The following LAMA2 variants were observed in gnomAD, a reference collection of about 807,000 sequenced individuals.
LAMA2 encodes laminin subunit alpha-2.
LAMA2 carries 269 observed loss-of-function variants against 364.8 expected under a neutral mutation model. The observed-to-expected ratio is 0.74, with a 90% CI of 0.67 to 0.82. LAMA2 has a LOEUF of 0.82. Among genes scored for constraint, LAMA2 ranks in the 40% least tolerant of loss-of-function variants. The pLI, the probability that LAMA2 is intolerant of heterozygous loss-of-function variation, is 0.00. For synonymous variants in LAMA2, 1,379 were observed against 1,370.6 expected, an observed-to-expected ratio of 1.01 and a Z score of -0.14; for missense variants, 3,807 against 3,873.2, an observed-to-expected ratio of 0.98 and a Z score of 0.45.
intron 64 of LAMA2, 101 bp downstream of exon 64, chr6:129,514,696 T>A (rs1259844290): frequency 1.7e-5 from 16 of 935,412 alleles, no homozygotes; most frequent in Non-Finnish European, 2.7e-5. Context: ...TGCTTATGTG[T>A]ACTTGCTTCC....
intron 4 of LAMA2, among the ~76,000 whole-genome samples, chr6:129,109,884 G>A (rs376009672): frequency 2.2e-4 from 34 of 152,084 alleles, no homozygotes; most frequent in East Asian, 2.1e-3. Flanking sequence ...TGATCCCATT[G>A]TCAGAAAAGA....
intron 30 of LAMA2, among the ~76,000 whole-genome samples, chr6:129,346,669 C>T (rs1481735255): frequency 6.6e-6 from 1 of 152,168 alleles, no homozygotes; most frequent in Non-Finnish European, 1.5e-5. Context: ...CAATGCTAGG[C>T]ATGGCTCTTC....
At position 129,010,875 on chromosome 6, in the gene LAMA2, A is replaced by G. The variant is rs540329774; in HGVS notation, c.113-39043A>G. Among the ~76,000 whole-genome samples the G allele has an allele frequency of 1.0e-3, 158 of 152,272 alleles. 1 individual carries two copies. Among genetic ancestry groups the G allele is most frequent in the Middle Eastern group, 3.4e-3 (1 of 294 alleles). On this transcript the variant is annotated intron_variant, in intron 1 of 64. Coordinates refer to ENST00000421865, the MANE Select transcript of LAMA2 (RefSeq NM_000426.4). Reference sequence around the variant, plus strand: ...TATGATTTTTTTATTTAATATGTTTACTTCCTATACCTATGTCTTTACTGT... The same window carrying G: ...TATGATTTTTTTATTTAATATGTTTGCTTCCTATACCTATGTCTTTACTGT...
intron 12 of LAMA2, among the ~76,000 whole-genome samples, chr6:129,198,818 G>GA (rs971890893): frequency 6.6e-6 from 1 of 151,176 alleles, no homozygotes; most frequent in Admixed American, 6.6e-5. Context: ...CTGACTCAAA[G>GA]AAAAAAAATC....
At chr6:129,016,409 T>C (rs1378905591) in intron 1 of LAMA2, among the ~76,000 whole-genome samples, 1 of 152,048 alleles carries the variant, frequency 6.6e-6, no homozygotes, top group African/African-American at 2.4e-5. Context: ...CTATTAATAA[T>C]ATCTAAAGCT....
chr6:129,510,834 C>A (rs570746735), intron 62 of LAMA2, among the ~76,000 whole-genome samples: 3 of 152,106 alleles, frequency 2.0e-5, no homozygotes, highest in African/African-American at 7.2e-5. Context: ...GGAAACCCCA[C>A]CTACAGGGAA....
intron 10 of LAMA2, among the ~76,000 whole-genome samples, chr6:129,188,569 CTCAACT>C (rs1367190719): frequency 6.6e-6 from 1 of 151,872 alleles, no homozygotes; most frequent in Non-Finnish European, 1.5e-5. Context: ...TGAAGATGCT[CTCAACT>C]TCAGTGCTTT....
chr6:128,970,868 A>G lies in LAMA2; in HGVS notation c.113-79050A>G, dbSNP rs1355178530. On this transcript the variant is annotated intron_variant, in intron 1 of 64. Transcript: ENST00000421865. Reference sequence around the variant, plus strand: ...TATAACTATGAACACAGATAGCTACATGTGTCTCTAGTGAGAGGTACTAGT... The same window carrying G: ...TATAACTATGAACACAGATAGCTACGTGTGTCTCTAGTGAGAGGTACTAGT... 2.0e-5 allele frequency among the ~76,000 whole-genome samples: 3 copies of G among 152,316 alleles called. No individual in the cohort carries two copies. In the East Asian group the frequency reaches 5.8e-4, roughly 29 times the overall value.
rs552714425 is a variant in LAMA2 at position 129,314,235 on chromosome 6, C to T, written c.3412-420C>T. On this transcript the variant is annotated intron_variant, in intron 23 of 64. Transcript: ENST00000421865. ...CTAACACGGTGAAACCCCGTCTCTA[C>T]TAAAAATACAAAAATTAGCTGGGCG... is the stretch of plus-strand genomic sequence containing the variant. Among the ~76,000 whole-genome samples the T allele has an allele frequency of 2.0e-5, 3 of 152,010 alleles. No individual in the cohort carries two copies. The East Asian group carries it at 5.8e-4, about 29-fold the overall frequency.
chr6:129,456,040 A>G (rs1411881953), intron 47 of LAMA2, among the ~76,000 whole-genome samples: 1 of 152,180 alleles, frequency 6.6e-6, no homozygotes, highest in African/African-American at 2.4e-5. Context: ...TAGCAATTCC[A>G]TCAGTTAACT....
At position 129,514,625 on chromosome 6, in the gene LAMA2, C is replaced by A. The variant is rs954000116; in HGVS notation, c.9211+30C>A. The A allele has an allele frequency of 9.2e-6, 14 of 1,523,484 alleles. No homozygotes were observed. The African/African-American group carries it at 1.1e-4, about 12-fold the overall frequency. 94.4% of individuals were successfully genotyped at this position (1,523,484 alleles called of 1,614,324 possible). A position where few individuals can be genotyped will look rare whatever the true frequency, so the allele number is the denominator to read the frequency against. ...GTGTTGGCTACCCCAGCAACAATTT[C>A]TTTGCTCTCTTATGTTACTGGTTTT... On this transcript the variant is annotated intron_variant, in intron 64 of 64. Coordinates refer to ENST00000421865, the MANE Select transcript of LAMA2 (RefSeq NM_000426.4).
intron 3 of LAMA2, among the ~76,000 whole-genome samples, chr6:129,094,195 A>G (rs534312194): frequency 1.3e-5 from 2 of 152,356 alleles, no homozygotes; most frequent in South Asian, 4.1e-4. Flanking sequence ...TACATTTTTA[A>G]TAATGCTATT....
chr6:129,253,278 G>A (rs1219491887), intron 14 of LAMA2, among the ~76,000 whole-genome samples: 1 of 152,134 alleles, frequency 6.6e-6, no homozygotes, highest in African/African-American at 2.4e-5. Flanking sequence ...ACATTCAAAT[G>A]TGACCCCAGC....
In LAMA2 at chr6:128,910,606, T is replaced by C. The variant is rs1424511485; in HGVS notation, c.112+27249T>C. ...AATGTCCTCCCGTAGCTCAGAGTAATTTGATCATCTGAAGCCTTCTTCTCT... is the reference window on the plus strand; with the variant it reads ...AATGTCCTCCCGTAGCTCAGAGTAACTTGATCATCTGAAGCCTTCTTCTCT... On this transcript the variant is annotated intron_variant, in intron 1 of 64. Coordinates refer to ENST00000421865, the MANE Select transcript of LAMA2 (RefSeq NM_000426.4). Among the ~76,000 whole-genome samples the C allele has an allele frequency of 2.6e-5, 4 of 152,194 alleles. No homozygotes were observed. In the East Asian group the frequency reaches 7.7e-4, roughly 29 times the overall value.
At chr6:129,231,072 A>C (rs1456925287) in intron 12 of LAMA2, among the ~76,000 whole-genome samples, 1 of 152,056 alleles carries the variant, frequency 6.6e-6, no homozygotes, top group Non-Finnish European at 1.5e-5. Flanking sequence ...ACAGTATATA[A>C]TCCTTGACAG....
chr6:129,021,513 GCT>G (rs1785448072), intron 1 of LAMA2, among the ~76,000 whole-genome samples: 1 of 152,146 alleles, frequency 6.6e-6, no homozygotes, highest in Admixed American at 6.5e-5. Context: ...AAGCTAAGAA[GCT>G]CTCATGTTAT....
rs551302569 is a variant in LAMA2, at chr6:129,021,692, C to T, written c.113-28226C>T. Among the ~76,000 whole-genome samples the T allele has an allele frequency of 9.2e-5, 14 of 152,228 alleles. 1 individual carries two copies. The highest frequency in any genetic ancestry group is 8.3e-4 in the South Asian group (4 of 4,824). On this transcript the variant is annotated intron_variant, in intron 1 of 64. Transcript: ENST00000421865. ...TATCCCAGGAGGAGACTGTAAGTGACGTTTGTGTAATTCAAGTATGTCCTG... is the reference window on the plus strand; with the variant it reads ...TATCCCAGGAGGAGACTGTAAGTGATGTTTGTGTAATTCAAGTATGTCCTG...
In LAMA2 at chr6:129,288,073, ATTGATGC is replaced by A. The variant is rs1562419729; in HGVS notation, c.2749+16_2749+22del. On this transcript the variant is annotated intron_variant, in intron 19 of 64. Coordinates refer to ENST00000421865, the MANE Select transcript of LAMA2 (RefSeq NM_000426.4). Reference sequence around the variant, plus strand: ...GAACTGTCAGCGTAAGTCCTGAACTATTGATGCCCCTGACAGAATTGATGTATTGTAC... The same window carrying A: ...GAACTGTCAGCGTAAGTCCTGAACTACCCTGACAGAATTGATGTATTGTAC... 9 of 1,605,040 alleles carry A rather than the reference ATTGATGC, an allele frequency of 5.6e-6. No individual in the cohort carries two copies. Among genetic ancestry groups the A allele is most frequent in the African/African-American group, 1.3e-5 (1 of 74,882 alleles).
At chr6:129,159,578 A>G (rs1779336607) in intron 8 of LAMA2, among the ~76,000 whole-genome samples, 1 of 152,210 alleles carries the variant, frequency 6.6e-6, no homozygotes, top group South Asian at 2.1e-4. Context: ...GTACACATAA[A>G]CAATCATTTT....
Sources: gnomAD v4.1 joint callset for allele counts (sites outside exome capture counted in the v4.1 genomes callset) on GRCh38, gnomAD v4.1.1 for gene constraint, MANE v1.5 for transcripts, NCBI Gene and HGNC (gene_info 2026-07-23, HGNC 2026-07-21) for gene names.